Variants in DPY19L3 observed in about 807,000 individuals in gnomAD.
DPY19L3 encodes dpy-19 like C-mannosyltransferase 3.
DPY19L3 carries 51 observed loss-of-function variants against 92.3 expected under a neutral mutation model. That is an observed-to-expected ratio of 0.55 (90% CI 0.44 to 0.70). The LOEUF is 0.70. DPY19L3 is among the 30% of genes least tolerant of loss of function. The pLI is 0.00. For synonymous variants in DPY19L3, 309 were observed against 315.2 expected (o/e 0.98, Z 0.21); for missense variants, 706 against 855.9 (o/e 0.82, Z 2.18).
intron 4 of DPY19L3, 46 bp from the exon 5 acceptor site, chr19:32,436,400 A>G: frequency 1.5e-6 from 2 of 1,348,812 alleles, no homozygotes; most frequent in Non-Finnish European, 2.0e-6. Context: ...TGAATGAATA[A>G]TTATGAGTGT....
intron 9 of DPY19L3, among the ~76,000 whole-genome samples, chr19:32,454,072 CA>C (rs1252109646): frequency 1.3e-5 from 2 of 152,060 alleles, no homozygotes; most frequent in African/African-American, 2.4e-5. Flanking sequence ...TCAAAAACAA[CA>C]GTTCACAGTC....
intron 8 of DPY19L3, among the ~76,000 whole-genome samples, chr19:32,442,461 TC>T: frequency 6.6e-6 from 1 of 152,176 alleles, no homozygotes; most frequent in Non-Finnish European, 1.5e-5. Flanking sequence ...GAGACATTTC[TC>T]CCCGTTCCTC....
At chr19:32,409,313 G>GT (rs1277542757) in intron 2 of DPY19L3, among the ~76,000 whole-genome samples, 1 of 152,210 alleles carries the variant, frequency 6.6e-6, no homozygotes, top group Non-Finnish European at 1.5e-5. Flanking sequence ...TCCACGTGCT[G>GT]TTTTGTAGCT....
intron 12 of DPY19L3, among the ~76,000 whole-genome samples, chr19:32,461,871 G>A (rs1033652107): frequency 6.6e-6 from 1 of 152,176 alleles, no homozygotes; most frequent in African/African-American, 2.4e-5. Context: ...TAACATCACT[G>A]AAGTGGAGAC....
At chr19:32,419,182 AC>A (rs1423901154) in intron 3 of DPY19L3, among the ~76,000 whole-genome samples, 1 of 146,018 alleles carries the variant, frequency 6.8e-6, no homozygotes, top group Admixed American at 6.9e-5. Flanking sequence ...TTTTTTTGAG[AC>A]AGAGTCTCGC....
At chr19:32,445,422 C>A (rs2145525856) in intron 8 of DPY19L3, among the ~76,000 whole-genome samples, 1 of 94,400 alleles carries the variant, frequency 1.1e-5, no homozygotes, top group Non-Finnish European at 1.9e-5. Flanking sequence ...GTCTGGGGGA[C>A]AGAGCGAGAC....
intron 3 of DPY19L3, chr19:32,412,487 C>A (rs1968221915): frequency 6.7e-6 from 1 of 149,622 alleles, no homozygotes; most frequent in Non-Finnish European, 1.5e-5. Flanking sequence ...AATAAAAAAG[C>A]CACTGCTTTA....
In DPY19L3 at chr19:32,405,803, C is replaced by T. The variant is rs1466744337; in HGVS notation, c.-144C>T. On this transcript the variant is annotated 5_prime_UTR_variant, in exon 1 of 19. Coordinates refer to ENST00000392250, the MANE Select transcript of DPY19L3 (RefSeq NM_001172774.2). ...AAAGCTCCGCGGCGGTTCTGCCCTC[C>T]TTGTACCCGCGGCGCGCTGCGGCCC... 1.3e-5 allele frequency: 2 copies of T among 152,190 alleles called. No individual in the cohort carries two copies. Among genetic ancestry groups the T allele is most frequent in the Non-Finnish European group, 2.9e-5 (2 of 68,102 alleles). The allele number at this position is 152,190 out of a possible 1,614,324, so 9.4% of individuals were successfully genotyped here.
chr19:32,472,394 T>C (rs1409563626), intron 16 of DPY19L3, among the ~76,000 whole-genome samples: 1 of 152,184 alleles, frequency 6.6e-6, no homozygotes, highest in African/African-American at 2.4e-5. Context: ...CCAGCCTTTG[T>C]GCATTCACCT....
chr19:32,457,317 C>T (rs1397129580), intron 10 of DPY19L3, among the ~76,000 whole-genome samples: 1 of 152,166 alleles, frequency 6.6e-6, no homozygotes, highest in African/African-American at 2.4e-5. Flanking sequence ...AAGATCTCTT[C>T]CGAGCAACTG....
chr19:32,428,997 G>A (rs1246631076), intron 3 of DPY19L3, among the ~76,000 whole-genome samples: 1 of 152,014 alleles, frequency 6.6e-6, no homozygotes, highest in Non-Finnish European at 1.5e-5. Context: ...ACAGGCGCCT[G>A]CCACCGCGCT....
At position 32,483,054 on chromosome 19, in the gene DPY19L3, CTTTA is replaced by C. The variant is rs1970718348; in HGVS notation, c.*818_*821del. On this transcript the variant is annotated 3_prime_UTR_variant, in exon 19 of 19. Transcript: ENST00000392250. ...AACCTCTCCTGCAGTAATAGTTTTG[CTTTA>C]TTTCTTACTCATTTCAATTTATTGG... 1 of 152,046 alleles carries C rather than the reference CTTTA, an allele frequency of 6.6e-6. No individual in the cohort carries two copies. The highest frequency in any genetic ancestry group is 2.4e-5 in the African/African-American group (1 of 41,394). The allele number at this position is 152,046 out of a possible 1,614,324, so 9.4% of individuals were successfully genotyped here.
At chr19:32,408,094 A>G (rs1207234288) in intron 1 of DPY19L3, 123 bp from the exon 2 acceptor site, 1 of 602,812 alleles carries the variant, frequency 1.7e-6, no homozygotes, top group Non-Finnish European at 3.0e-6. Context: ...GGGGGAAGAA[A>G]AAAAAAGGGA....
intron 3 of DPY19L3, among the ~76,000 whole-genome samples, chr19:32,424,388 T>G (rs1408847640): frequency 6.6e-6 from 1 of 150,722 alleles, no homozygotes. Flanking sequence ...CTTTTATAAC[T>G]GGAAGTCAGA....
intron 3 of DPY19L3, chr19:32,412,372 T>A (rs555676102): frequency 6.9e-6 from 1 of 145,714 alleles, no homozygotes; most frequent in Non-Finnish European, 1.5e-5. Flanking sequence ...ACTTTTAATT[T>A]TATATATATA....
Position 32,485,739 on chromosome 19 carries a change from A to C in DPY19L3, c.*3499A>C, listed in dbSNP as rs1406961476. On this transcript the variant is annotated 3_prime_UTR_variant, in exon 19 of 19. Coordinates refer to ENST00000392250, the MANE Select transcript of DPY19L3 (RefSeq NM_001172774.2). ...TAAGAGAATGTTTGTTCATGGAAAA[A>C]AGCTTTTGAGATGAGAGGGTGTCTT... 6 of 152,288 alleles carry C rather than the reference A, an allele frequency of 3.9e-5. No individual in the cohort carries two copies. The South Asian group carries it at 1.2e-3, about 32-fold the overall frequency. 9.4% of individuals were successfully genotyped at this position (152,288 alleles called of 1,614,324 possible).
At chr19:32,471,371 T>C (rs1599671808) in intron 16 of DPY19L3, among the ~76,000 whole-genome samples, 1 of 152,170 alleles carries the variant, frequency 6.6e-6, no homozygotes, top group African/African-American at 2.4e-5. Context: ...ATGTCTGTCT[T>C]CTGCCCATGC....
At chr19:32,454,827 C>T in intron 9 of DPY19L3, 112 bp from the exon 10 acceptor site, 1 of 636,236 alleles carries the variant, frequency 1.6e-6, no homozygotes, top group Middle Eastern at 3.7e-4. Flanking sequence ...CATATATTTT[C>T]CCTTTATGTT....
chr19:32,448,191 T>C (rs1377460300), intron 8 of DPY19L3, among the ~76,000 whole-genome samples: 1 of 152,204 alleles, frequency 6.6e-6, no homozygotes, highest in Non-Finnish European at 1.5e-5. Flanking sequence ...GAACACAGAC[T>C]CTACAACTAG....
Sources: gnomAD v4.1 joint callset for allele counts (sites outside exome capture counted in the v4.1 genomes callset) on GRCh38, gnomAD v4.1.1 for gene constraint, MANE v1.5 for transcripts, NCBI Gene and HGNC (gene_info 2026-07-23, HGNC 2026-07-21) for gene names.